The following ALOX5 variants were observed in gnomAD, a reference collection of about 807,000 sequenced individuals.
ALOX5 encodes arachidonate 5-lipoxygenase.
A neutral mutation model predicts 87.9 loss-of-function variants in ALOX5; 64 were observed. The observed-to-expected ratio is 0.73, with a 90% CI of 0.60 to 0.90. ALOX5 has a LOEUF of 0.90. ALOX5 is among the 40% of genes least tolerant of loss of function. The pLI is 0.00. For missense variants in ALOX5, 822 were observed against 907.5 expected (o/e 0.91, Z 1.21); for synonymous variants, 388 against 355.1 (o/e 1.09, Z -1.04).
intron 7 of ALOX5, among the ~76,000 whole-genome samples, chr10:45,435,571 A>G (rs940901010): frequency 1.8e-4 from 27 of 152,136 alleles, no homozygotes; most frequent in African/African-American, 6.5e-4. Context: ...TTAAGTGCCA[A>G]TCCTAAGCTG....
chr10:45,381,612 G>C (rs2132674881), intron 1 of ALOX5, among the ~76,000 whole-genome samples: 1 of 152,322 alleles, frequency 6.6e-6, no homozygotes, highest in Admixed American at 6.5e-5. Context: ...TCCCATGTGG[G>C]GGCAGCTGCG....
intron 6 of ALOX5, among the ~76,000 whole-genome samples, chr10:45,427,520 G>A (rs1841756440): frequency 6.6e-6 from 1 of 152,264 alleles, no homozygotes; most frequent in Non-Finnish European, 1.5e-5. Context: ...CTGGGTGGGT[G>A]GCTTCTGTCC....
chr10:45,427,880 C>T (rs554876539), intron 6 of ALOX5, among the ~76,000 whole-genome samples: 37 of 152,262 alleles, frequency 2.4e-4, no homozygotes, highest in South Asian at 1.0e-3. Flanking sequence ...GGCACGGATC[C>T]GCGGGTCAGC....
At chr10:45,442,852 AG>A (rs1589050857) in intron 9 of ALOX5, 185 bp from the exon 10 acceptor site, 2 of 626,162 alleles carry the variant, frequency 3.2e-6, no homozygotes, top group Non-Finnish European at 2.7e-6. Flanking sequence ...GCTCCTCCCT[AG>A]CACCTCTCCA....
At chr10:45,424,242 C>T in intron 5 of ALOX5, 95 bp downstream of exon 5, 1 of 1,077,644 alleles carries the variant, frequency 9.3e-7, no homozygotes, top group South Asian at 1.3e-5. Context: ...GGCCTTCCTG[C>T]CTGCTGCAGC....
At chr10:45,433,179 G>A (rs772400425) in intron 7 of ALOX5, among the ~76,000 whole-genome samples, 4 of 152,272 alleles carry the variant, frequency 2.6e-5, no homozygotes, top group Non-Finnish European at 5.9e-5. Context: ...GGAGCCCCAT[G>A]CTCTGCTCAT....
rs1839870346 is a variant in ALOX5 at position 45,382,543 on chromosome 10, G to A, written c.211G>A (p.Glu71Lys). 2 of 1,614,164 alleles carry A rather than the reference G, an allele frequency of 1.2e-6. No individual in the cohort carries two copies. The highest frequency in any genetic ancestry group is 1.1e-5 in the South Asian group (1 of 91,082). Residue 71 changes from glutamate (E) to lysine (K), a missense_variant, in exon 2 of 14, where the codon GAG (glutamate) becomes AAG (lysine). Physicochemically the swap from Glu to Lys is moderately conservative, Grantham distance 56 (BLOSUM62 1). Coordinates refer to ENST00000374391, the MANE Select transcript of ALOX5 (RefSeq NM_000698.5). Reference sequence around the variant, plus strand: ...GGGCGAGATCCAGCTGGTCAGAATCGAGAAGCGCAAGTACTGGCTGAATGA... The same window carrying A: ...GGGCGAGATCCAGCTGGTCAGAATCAAGAAGCGCAAGTACTGGCTGAATGA... ...ELGEIQLVRI[E>K]KRKYWLNDDW... is the part of the protein sequence containing the mutation.
At chr10:45,380,797 C>A (rs1839798225) in intron 1 of ALOX5, among the ~76,000 whole-genome samples, 1 of 152,106 alleles carries the variant, frequency 6.6e-6, no homozygotes, top group East Asian at 1.9e-4. Flanking sequence ...CAAAACTTAA[C>A]CAGATGTGGT....
chr10:45,382,435 A>T, intron 1 of ALOX5, 48 bp from the exon 2 acceptor site: 1 of 1,601,912 alleles, frequency 6.2e-7, no homozygotes, highest in Admixed American at 1.7e-5. Flanking sequence ...CTCCAGAACA[A>T]AGGCTCAGGA....
chr10:45,434,335 G>A (rs1842000541), intron 7 of ALOX5, among the ~76,000 whole-genome samples: 2 of 152,214 alleles, frequency 1.3e-5, no homozygotes, highest in Non-Finnish European at 2.9e-5. Flanking sequence ...CTCAGCCTTC[G>A]CTAGCAGCCA....
chr10:45,382,495 G>T lies in ALOX5; in HGVS notation c.163G>T (p.Asp55Tyr). ...DFERGAVDSY[D>Y]VTVDEELGEI... is the part of the protein sequence containing the mutation. The stretch of plus-strand genomic sequence containing the variant: ...TTCTCCTTCCCAGGTGGATTCATAC[G>T]ACGTGACTGTGGACGAGGAACTGGG... Residue 55 changes from aspartate (D) to tyrosine (Y), a missense_variant, in exon 2 of 14, where the codon GAC becomes TAC. Physicochemically the swap from Asp to Tyr is radical, Grantham distance 160. Coordinates refer to ENST00000374391, the MANE Select transcript of ALOX5 (RefSeq NM_000698.5). 6.2e-7 allele frequency: 1 copy of T among 1,614,160 alleles called. No individual in the cohort carries two copies. Among genetic ancestry groups the T allele is most frequent in the Non-Finnish European group, 8.5e-7 (1 of 1,180,042 alleles).
At chr10:45,387,711 G>A (rs567726025) in intron 2 of ALOX5, among the ~76,000 whole-genome samples, 2 of 152,224 alleles carry the variant, frequency 1.3e-5, no homozygotes, top group Non-Finnish European at 2.9e-5. Context: ...GGGCCCCAAG[G>A]CTTGCTGAGT....
At chr10:45,394,840 C>A (rs1045730320) in intron 2 of ALOX5, among the ~76,000 whole-genome samples, 4 of 152,274 alleles carry the variant, frequency 2.6e-5, no homozygotes, top group East Asian at 3.9e-4. Flanking sequence ...ATGCAGCCAA[C>A]AGACACATGA....
At position 45,413,987 on chromosome 10, in the gene ALOX5, T is replaced by A. The variant is rs144031303; in HGVS notation, c.554+1674T>A. ...ATTCCATGCTCATGGATAGGAAGAATCAATATCATGAAAATGGCCATACTC... is the reference window on the plus strand; with the variant it reads ...ATTCCATGCTCATGGATAGGAAGAAACAATATCATGAAAATGGCCATACTC... On this transcript the variant is annotated intron_variant, in intron 4 of 13. Coordinates refer to ENST00000374391, the MANE Select transcript of ALOX5 (RefSeq NM_000698.5). Among the ~76,000 whole-genome samples the A allele has an allele frequency of 6.4e-3, 978 of 152,202 alleles. 10 individuals carry two copies. Among genetic ancestry groups the A allele is most frequent in the African/African-American group, 0.021 (883 of 41,496 alleles).
In ALOX5 at chr10:45,374,446, C is replaced by T; in HGVS notation, c.150+17C>T. Reference sequence around the variant, plus strand: ...CGTGGCGCGGTGAGCGCGGGCGGGGCACGGGTGGAGCGCGGGCTGAGGTGC... The same window carrying T: ...CGTGGCGCGGTGAGCGCGGGCGGGGTACGGGTGGAGCGCGGGCTGAGGTGC... On this transcript the variant is annotated intron_variant, in intron 1 of 13. Transcript: ENST00000374391. 2 of 1,535,110 alleles carry T rather than the reference C, an allele frequency of 1.3e-6. No individual in the cohort carries two copies. Among genetic ancestry groups the T allele is most frequent in the South Asian group, 1.2e-5 (1 of 80,906 alleles).
chr10:45,393,142 C>T (rs1434063307), intron 2 of ALOX5, among the ~76,000 whole-genome samples: 1 of 152,134 alleles, frequency 6.6e-6, no homozygotes, highest in Non-Finnish European at 1.5e-5. Flanking sequence ...CTGGCAGATA[C>T]ACACACAAAA....
chr10:45,415,336 C>CA (rs1407831600), intron 4 of ALOX5, among the ~76,000 whole-genome samples: 7 of 151,902 alleles, frequency 4.6e-5, no homozygotes, highest in African/African-American at 1.2e-4. Context: ...ATCGCAAGGA[C>CA]AAAAAACCAA....
intron 3 of ALOX5, among the ~76,000 whole-genome samples, 154 bp downstream of exon 3, chr10:45,396,090 A>G (rs1840492833): frequency 6.6e-6 from 1 of 152,174 alleles, no homozygotes; most frequent in South Asian, 2.1e-4. Context: ...CAATCCCCAA[A>G]CTTCACCTTA....
intron 2 of ALOX5, among the ~76,000 whole-genome samples, chr10:45,395,252 T>G (rs536735118): frequency 6.6e-6 from 1 of 152,278 alleles, no homozygotes; most frequent in Non-Finnish European, 1.5e-5. Context: ...GTGGCACATA[T>G]ACACCATGGA....
Sources: gnomAD v4.1 joint callset for allele counts (sites outside exome capture counted in the v4.1 genomes callset) on GRCh38, gnomAD v4.1.1 for gene constraint, MANE v1.5 for transcripts, NCBI Gene and HGNC (gene_info 2026-07-23, HGNC 2026-07-21) for gene names.